The following FRMPD4 variants were observed in gnomAD, a reference collection of about 807,000 sequenced individuals.
FRMPD4 encodes FERM and PDZ domain-containing protein 4.
A neutral mutation model predicts 94.1 loss-of-function variants in FRMPD4; 22 were observed. That is an observed-to-expected ratio of 0.23 (90% CI 0.17 to 0.33). The LOEUF (loss-of-function observed/expected upper bound fraction) is 0.33. Among genes scored for constraint, FRMPD4 ranks in the 10% least tolerant of loss-of-function variants. FRMPD4 has a pLI of 1.00. For missense variants in FRMPD4, 1,111 were observed against 1,339.9 expected (o/e 0.83, Z 2.67); for synonymous variants, 631 against 548.6 (o/e 1.15, Z -2.10).
At chrX:12,035,251 A>G (rs1204690569) in intron 3 of FRMPD4, among the ~76,000 whole-genome samples, 2 of 111,648 alleles carry the variant, frequency 1.8e-5, no homozygotes, top group Non-Finnish European at 3.8e-5. Flanking sequence ...AACCTTTGTA[A>G]GTGTTATATG....
At chrX:12,084,701 A>C (rs942310842) in intron 3 of FRMPD4, among the ~76,000 whole-genome samples, 3 of 112,245 alleles carry the variant, frequency 2.7e-5, no homozygotes, top group African/African-American at 9.7e-5. Context: ...TATAATTGAT[A>C]ATTAAAAGCA....
At chrX:11,965,627 G>A (rs908680257) in intron 3 of FRMPD4, among the ~76,000 whole-genome samples, 7 of 112,034 alleles carry the variant, frequency 6.2e-5, no homozygotes, top group Admixed American at 4.7e-4. Flanking sequence ...GGCAGAATGA[G>A]AGTTCAGCAA....
chrX:12,421,026 A>AAAT (rs2056876192), intron 1 of FRMPD4, among the ~76,000 whole-genome samples: 2 of 112,615 alleles, frequency 1.8e-5, no homozygotes, highest in South Asian at 7.3e-4. Flanking sequence ...GTGCTTACAA[A>AAAT]AATATAGCAT....
chrX:12,134,075 A>G (rs149946890), upstream of FRMPD4, among the ~76,000 whole-genome samples: 514 of 111,895 alleles, frequency 4.6e-3, 2 homozygotes, highest in Middle Eastern at 0.019. Flanking sequence ...TCCTTGTTTT[A>G]TCCTTGCCGT....
intron 3 of FRMPD4, among the ~76,000 whole-genome samples, chrX:11,889,001 T>A (rs1297058844): frequency 8.9e-6 from 1 of 112,348 alleles, no homozygotes; most frequent in East Asian, 2.8e-4. Flanking sequence ...TGCCTGTACT[T>A]CTTCATAGAA....
chrX:11,975,000 C>A (rs2054359771), intron 3 of FRMPD4, among the ~76,000 whole-genome samples: 2 of 111,504 alleles, frequency 1.8e-5, no homozygotes, highest in Admixed American at 1.9e-4. Context: ...TTTTGGGGGG[C>A]AGGAAAGCAA....
At chrX:11,983,149 C>T (rs2054405956) in intron 3 of FRMPD4, among the ~76,000 whole-genome samples, 1 of 112,201 alleles carries the variant, frequency 8.9e-6, no homozygotes, top group Non-Finnish European at 1.9e-5. Context: ...GGAAAGCTCA[C>T]CCATGTGTGG....
intron 1 of FRMPD4, among the ~76,000 whole-genome samples, chrX:12,353,004 C>A (rs2055838566): frequency 8.9e-6 from 1 of 111,752 alleles, no homozygotes; most frequent in African/African-American, 3.3e-5. Context: ...ATTCTGTGAA[C>A]CTAGAATGGA....
intron 1 of FRMPD4, chrX:12,495,016 G>C: frequency 1.4e-6 from 1 of 735,084 alleles, no homozygotes; most frequent in Non-Finnish European, 1.6e-6. Context: ...GGCCTTGCCT[G>C]AGCCCGGTGG....
chrX:11,842,407 A>C (rs1470809666), intron 1 of FRMPD4, among the ~76,000 whole-genome samples: 2 of 98,256 alleles, frequency 2.0e-5, no homozygotes, highest in Non-Finnish European at 4.1e-5. Flanking sequence ...ATTTCTTTGT[A>C]TCCTCTTTTA....
At chrX:12,444,570 AT>A (rs2057174316) in intron 1 of FRMPD4, among the ~76,000 whole-genome samples, 1 of 112,193 alleles carries the variant, frequency 8.9e-6, no homozygotes, top group Non-Finnish European at 1.9e-5. Context: ...TTGTGTTGTT[AT>A]AACAAAATAC....
chrX:12,475,849 G>A (rs768218454), intron 1 of FRMPD4, among the ~76,000 whole-genome samples: 1 of 111,578 alleles, frequency 9.0e-6, no homozygotes, highest in East Asian at 2.8e-4. Flanking sequence ...CCATGCTCAT[G>A]GGTAGGAAGA....
intron 4 of FRMPD4, among the ~76,000 whole-genome samples, chrX:12,646,967 A>G (rs988722310): frequency 8.9e-6 from 1 of 112,025 alleles, no homozygotes; most frequent in Non-Finnish European, 1.9e-5. Flanking sequence ...ACCCCTAGGA[A>G]CAACTGGGAG....
intron 3 of FRMPD4, among the ~76,000 whole-genome samples, chrX:12,026,473 A>G (rs1046020195): frequency 2.7e-5 from 3 of 111,867 alleles, no homozygotes; most frequent in South Asian, 3.8e-4. Context: ...TGAGAAGAAG[A>G]TCATATTATT....
chrX:12,206,205 T>G (rs1775191184), intron 1 of FRMPD4, among the ~76,000 whole-genome samples: 1 of 112,323 alleles, frequency 8.9e-6, no homozygotes, highest in Non-Finnish European at 1.9e-5. Context: ...TAAACTAAAT[T>G]GAATTAAATT....
At chrX:12,335,139 CTT>C (rs1310290124) in intron 1 of FRMPD4, among the ~76,000 whole-genome samples, 1 of 102,088 alleles carries the variant, frequency 9.8e-6, no homozygotes. Context: ...TTCTTTCTTT[CTT>C]TTTTTTTTTT....
intron 1 of FRMPD4, chrX:12,395,886 T>C: frequency 8.3e-6 from 1 of 120,757 alleles, no homozygotes; most frequent in Non-Finnish European, 1.7e-5. Flanking sequence ...GTGAGCTCCA[T>C]AAATCCAGTG....
chrX:12,505,727 G>GAAAAAA (rs34064982), intron 2 of FRMPD4, among the ~76,000 whole-genome samples: 1 of 46,320 alleles, frequency 2.2e-5, no homozygotes, highest in African/African-American at 1.0e-4. Context: ...AACTCCATCC[G>GAAAAAA]AAAAAAAAAA....
In FRMPD4 at chrX:12,651,270, T is replaced by C. The variant is rs992570588; in HGVS notation, c.423-23593T>C. Among the ~76,000 whole-genome samples, 3 of 111,371 alleles carry C rather than the reference T, an allele frequency of 2.7e-5. No homozygotes were observed. The Admixed American group carries it at 2.9e-4, about 11-fold the overall frequency. On this transcript the variant is annotated intron_variant, in intron 4 of 16. Transcript: ENST00000675598. ...GCCAAGAAGTACTTTAAATGAGCTA[T>C]TTCTTGCATCCTTGAATTATTTTCT...
Sources: gnomAD v4.1 joint callset for allele counts (sites outside exome capture counted in the v4.1 genomes callset) on GRCh38, gnomAD v4.1.1 for gene constraint, MANE v1.5 for transcripts, NCBI Gene and HGNC (gene_info 2026-07-23, HGNC 2026-07-21) for gene names.